The following PCDHA2 variants were observed in gnomAD, a reference collection of about 807,000 sequenced individuals.
PCDHA2 encodes protocadherin alpha-2.
Under a neutral mutation model 66.0 loss-of-function variants are expected in PCDHA2, and 58 were observed. The ratio of observed to expected loss-of-function variants is 0.88; its 90% CI spans 0.71 to 1.09. The LOEUF (loss-of-function observed/expected upper bound fraction) is 1.09. Among genes scored for constraint, PCDHA2 ranks in the 50% least tolerant of loss-of-function variants. The pLI is 0.00. For synonymous variants in PCDHA2, 634 were observed against 554.0 expected (o/e 1.14, Z -2.03); for missense variants, 1,267 against 1,242.3 (o/e 1.02, Z -0.30).
At chr5:140,927,889 G>A in intron 1 of PCDHA2, 3 of 1,614,226 alleles carry the variant, frequency 1.9e-6, no homozygotes, top group Non-Finnish European at 2.5e-6. Flanking sequence ...GGTGACTGAC[G>A]TGAACGATCA....
chr5:140,877,285 G>T lies in PCDHA2; in HGVS notation c.2388+79933G>T, dbSNP rs76220347. 4.6e-3 allele frequency: 7,403 copies of T among 1,613,898 alleles called. 23 individuals carry two copies. Among genetic ancestry groups the T allele is most frequent in the Middle Eastern group, 7.1e-3 (43 of 6,038 alleles). ...GGTGGACGCTGACTCCGGCTATAAC[G>T]CTTGGCTGTCCTACGAGTTGCAACC... On this transcript the variant is annotated intron_variant, in intron 1 of 3. Coordinates refer to ENST00000526136, the MANE Select transcript of PCDHA2 (RefSeq NM_018905.3).
chr5:140,895,861 G>C (rs1248344470), intron 1 of PCDHA2, among the ~76,000 whole-genome samples: 2 of 152,184 alleles, frequency 1.3e-5, no homozygotes, highest in African/African-American at 4.8e-5. Context: ...CCCCAGGCTG[G>C]AGTGCAATGG....
intron 1 of PCDHA2, chr5:140,857,944 G>T: frequency 6.3e-7 from 1 of 1,597,474 alleles, no homozygotes. Context: ...AGATCAGTAC[G>T]ACGCGCGCTC....
intron 1 of PCDHA2, among the ~76,000 whole-genome samples, chr5:140,954,401 A>G (rs567522525): frequency 2.0e-4 from 31 of 152,300 alleles, no homozygotes; most frequent in Middle Eastern, 3.4e-3. Flanking sequence ...AACCCCACCA[A>G]CAGGGTAAAG....
At chr5:140,979,150 C>T (rs1470916466) in intron 2 of PCDHA2, 143 bp downstream of exon 2, 4 of 1,435,458 alleles carry the variant, frequency 2.8e-6, no homozygotes, top group Middle Eastern at 3.7e-4. Context: ...ATTTTGTCCC[C>T]ATGTTTATTC....
At chr5:140,903,401 T>A (rs577425497) in intron 1 of PCDHA2, among the ~76,000 whole-genome samples, 2 of 152,336 alleles carry the variant, frequency 1.3e-5, no homozygotes, top group East Asian at 3.9e-4. Flanking sequence ...GAAACAGTAG[T>A]GCAGTCAGGA....
In PCDHA2 at chr5:140,876,964, C is replaced by T. The variant is rs781890307; in HGVS notation, c.2388+79612C>T. ...GGTGTCCTACTCGCTGGTGGAGCGG[C>T]GGGTGGGCGAGCACGCACTGTCGAG... On this transcript the variant is annotated intron_variant, in intron 1 of 3. Coordinates refer to ENST00000526136, the MANE Select transcript of PCDHA2 (RefSeq NM_018905.3). 2.5e-6 allele frequency: 4 copies of T among 1,613,060 alleles called. No individual in the cohort carries two copies. The highest frequency in any genetic ancestry group is 3.4e-6 in the Non-Finnish European group (4 of 1,179,806).
intron 1 of PCDHA2, chr5:140,802,725 G>T: frequency 6.2e-7 from 1 of 1,612,628 alleles, no homozygotes; most frequent in South Asian, 1.1e-5. Flanking sequence ...CTACGTGTCG[G>T]TACACGCGGA....
chr5:140,877,178 C>T (rs370071106), intron 1 of PCDHA2: 2 of 1,613,794 alleles, frequency 1.2e-6, no homozygotes, highest in South Asian at 2.2e-5. Context: ...CTGGCGACTC[C>T]GGCTGGCAGC....
chr5:140,875,917 G>A, intron 1 of PCDHA2: 1 of 1,614,146 alleles, frequency 6.2e-7, no homozygotes, highest in Non-Finnish European at 8.5e-7. Flanking sequence ...TGCGCCTCTG[G>A]ACTCTCATTT....
intron 1 of PCDHA2, among the ~76,000 whole-genome samples, chr5:140,932,733 C>A (rs2088585680): frequency 1.3e-5 from 2 of 151,034 alleles, no homozygotes; most frequent in Admixed American, 6.6e-5. Context: ...TAATATAGAC[C>A]CTCAAATCAG....
chr5:140,930,766 T>C (rs1476506441), intron 1 of PCDHA2, among the ~76,000 whole-genome samples: 1 of 152,240 alleles, frequency 6.6e-6, no homozygotes, highest in Admixed American at 6.5e-5. Context: ...AAATTTTCTG[T>C]ACTTAATATT....
In PCDHA2 at chr5:140,796,850, G is replaced by A; in HGVS notation, c.1886G>A (p.Gly629Asp). 1 of 1,614,106 alleles carries A rather than the reference G, an allele frequency of 6.2e-7. No individual in the cohort carries two copies. Among genetic ancestry groups the A allele is most frequent in the African/African-American group, 1.3e-5 (1 of 75,070 alleles). Residue 629 changes from glycine to aspartate, a missense_variant, in exon 1 of 4, where the codon GGT (glycine) becomes GAT (aspartate). By Grantham distance (94) the Gly-to-Asp change is moderately conservative (BLOSUM62 -1). Transcript: ENST00000526136. The part of the protein sequence containing the change: ...RIPFRVGLYT[G>D]EISTTRALDE... ...CCGTTCCGCGTGGGGCTATACACGG[G>A]TGAGATCAGCACGACACGTGCCCTA...
intron 1 of PCDHA2, among the ~76,000 whole-genome samples, chr5:140,935,193 G>A (rs782043966): frequency 3.3e-5 from 5 of 152,122 alleles, no homozygotes; most frequent in Non-Finnish European, 4.4e-5. Flanking sequence ...GTCAGTTGCT[G>A]TTTCTAGGTA....
At chr5:140,981,041 A>C (rs72802989) in intron 2 of PCDHA2, among the ~76,000 whole-genome samples, 7,382 of 152,278 alleles carry the variant, frequency 0.048, 205 homozygotes, top group Non-Finnish European at 0.065. Context: ...GGGAAAAAAA[A>C]CAGATAATTC....
chr5:140,998,433 C>CTA (rs2097813622), intron 3 of PCDHA2, among the ~76,000 whole-genome samples: 2 of 152,160 alleles, frequency 1.3e-5, no homozygotes, highest in Admixed American at 1.3e-4. Flanking sequence ...TCCTTTAACA[C>CTA]TATTATTGTA....
chr5:140,962,245 T>C (rs2095666561), intron 1 of PCDHA2, among the ~76,000 whole-genome samples: 1 of 152,170 alleles, frequency 6.6e-6, no homozygotes, highest in Non-Finnish European at 1.5e-5. Context: ...ACCATTTTCT[T>C]CAATGAAAAA....
intron 3 of PCDHA2, among the ~76,000 whole-genome samples, chr5:141,000,421 A>ATATT (rs1265241806): frequency 1.1e-4 from 3 of 27,978 alleles, no homozygotes; most frequent in Non-Finnish European, 1.7e-4. Flanking sequence ...ATATATATAT[A>ATATT]TTTTTTTTTT....
intron 2 of PCDHA2, chr5:140,982,235 T>C (rs782570505): frequency 2.6e-5 from 17 of 646,792 alleles, no homozygotes; most frequent in Non-Finnish European, 3.9e-5. Flanking sequence ...AAAAACAGAA[T>C]TGCCATAAAG....
Sources: gnomAD v4.1 joint callset for allele counts (sites outside exome capture counted in the v4.1 genomes callset) on GRCh38, gnomAD v4.1.1 for gene constraint, MANE v1.5 for transcripts, NCBI Gene and HGNC (gene_info 2026-07-23, HGNC 2026-07-21) for gene names.